The following RAP1GAP2 variants were observed in gnomAD, a reference collection of about 807,000 sequenced individuals.
RAP1GAP2 encodes the protein rap1 GTPase-activating protein 2.
Under a neutral mutation model 95.0 loss-of-function variants are expected in RAP1GAP2, and 27 were observed. The ratio of observed to expected loss-of-function variants is 0.28; its 90% CI spans 0.21 to 0.39. The LOEUF (loss-of-function observed/expected upper bound fraction) is 0.39. Among genes scored for constraint, RAP1GAP2 ranks in the 10% least tolerant of loss-of-function variants. The pLI is 1.00. For missense variants in RAP1GAP2, 771 were observed against 970.0 expected (o/e 0.79, Z 2.72); for synonymous variants, 373 against 380.9 (o/e 0.98, Z 0.24).
rs140279379 is a variant in RAP1GAP2, at chr17:2,830,438, G to C, written c.80+29888G>C. Among the ~76,000 whole-genome samples, 304 of 150,530 alleles carry C rather than the reference G, an allele frequency of 2.0e-3. 8 individuals carry two copies. The East Asian group carries it at 0.052, about 26-fold the overall frequency. On this transcript the variant is annotated intron_variant, in intron 2 of 24. Transcript: ENST00000254695. ...TCTCAAAAAATTAAAAAAGATGGCC[G>C]GGTGTGGTGGCTCACGCCTGTAATC...
chr17:2,915,685 T>G (rs994317440), intron 3 of RAP1GAP2, among the ~76,000 whole-genome samples: 4 of 152,148 alleles, frequency 2.6e-5, no homozygotes, highest in African/African-American at 9.7e-5. Flanking sequence ...CCATGTATTC[T>G]TTTAGAAGCT....
At chr17:2,945,871 C>T (rs1009655252) in intron 3 of RAP1GAP2, among the ~76,000 whole-genome samples, 2 of 151,910 alleles carry the variant, frequency 1.3e-5, no homozygotes. Flanking sequence ...CTCACTGCAA[C>T]CTCTTTCCCC....
At position 2,993,178 on chromosome 17, in the gene RAP1GAP2, C is replaced by T. The variant is rs1018292979; in HGVS notation, c.914+1781C>T. On this transcript the variant is annotated intron_variant, in intron 12 of 24. Coordinates refer to ENST00000254695, the MANE Select transcript of RAP1GAP2 (RefSeq NM_015085.5). ...CAGTGGTTGCAATGAGCTGAGATTG[C>T]GCCAGTGCACTTCAGCCTGGTCAAT... Among the ~76,000 whole-genome samples, 16 of 138,554 alleles carry T rather than the reference C, an allele frequency of 1.2e-4. 1 individual carries two copies. Among genetic ancestry groups the T allele is most frequent in the East Asian group, 9.0e-4 (4 of 4,460 alleles). The allele number at this position is 138,554 out of a possible 152,430, so 90.9% of individuals were successfully genotyped here.
intron 2 of RAP1GAP2, among the ~76,000 whole-genome samples, chr17:2,826,809 C>T (rs1181449003): frequency 6.6e-6 from 1 of 152,122 alleles, no homozygotes; most frequent in East Asian, 1.9e-4. Context: ...AGATCGAGAC[C>T]ATCCTGGCCA....
intron 3 of RAP1GAP2, among the ~76,000 whole-genome samples, chr17:2,930,481 G>A (rs1355050588): frequency 6.6e-6 from 1 of 152,222 alleles, no homozygotes; most frequent in African/African-American, 2.4e-5. Flanking sequence ...TCGGAATGGA[G>A]GCTTCTGTTA....
chr17:2,998,369 C>A lies in RAP1GAP2; in HGVS notation c.1193C>A (p.Ser398Tyr). Residue 398 changes from serine to tyrosine, a missense_variant, in exon 14 of 25, where the codon TCC becomes TAC. Transcript: ENST00000254695. ...QVETPGTETP[S>Y]YKVSVTARED... is the part of the protein sequence containing the mutation. Reference sequence around the variant, plus strand: ...GAGACCCCAGGCACAGAGACCCCATCCTACAAGGTAAGGAGAACGCCTTGT... The same window carrying A: ...GAGACCCCAGGCACAGAGACCCCATACTACAAGGTAAGGAGAACGCCTTGT... 6.2e-7 allele frequency: 1 copy of A among 1,613,956 alleles called. No individual in the cohort carries two copies. Among genetic ancestry groups the A allele is most frequent in the Non-Finnish European group, 8.5e-7 (1 of 1,179,868 alleles).
intron 17 of RAP1GAP2, among the ~76,000 whole-genome samples, chr17:3,011,613 T>TG (rs1290830113): frequency 6.7e-6 from 1 of 148,226 alleles, no homozygotes; most frequent in East Asian, 2.0e-4. Flanking sequence ...GTCAAAGTTT[T>TG]TTTTTTTTTT....
In RAP1GAP2 at chr17:3,027,836, A is replaced by G. The variant is rs188622582; in HGVS notation, c.2107+766A>G. Among the ~76,000 whole-genome samples, 734 of 151,844 alleles carry G rather than the reference A, an allele frequency of 4.8e-3. 8 individuals carry two copies. Among genetic ancestry groups the G allele is most frequent in the African/African-American group, 0.017 (687 of 41,360 alleles). On this transcript the variant is annotated intron_variant, in intron 22 of 24. Coordinates refer to ENST00000254695, the MANE Select transcript of RAP1GAP2 (RefSeq NM_015085.5). This position sits in a 1 kb window ranked among gnomAD's most constrained non-coding sequence, Gnocchi z 5.2. ...AGCTGCGGCAGAAGCACCTCGGTTCAGGAGAGATCAAGGAGGTAAAATGTA... is the reference window on the plus strand; with the variant it reads ...AGCTGCGGCAGAAGCACCTCGGTTCGGGAGAGATCAAGGAGGTAAAATGTA...
intron 2 of RAP1GAP2, among the ~76,000 whole-genome samples, chr17:2,843,370 C>T (rs993348740): frequency 4.6e-5 from 7 of 151,898 alleles, no homozygotes; most frequent in Non-Finnish European, 1.0e-4. Flanking sequence ...ACGGCAACCT[C>T]CACCTCCTGG....
rs1322738814 is a variant in RAP1GAP2, at chr17:2,875,307, TC to T, written c.81-29976del. ...GTCTCGAACTCCTGACCTCAGGTGG[TC>T]TGCCTGCCTCGGCCTCCCAAAGTGC... On this transcript the variant is annotated intron_variant, in intron 2 of 24. Transcript: ENST00000254695. 2.6e-5 allele frequency among the ~76,000 whole-genome samples: 4 copies of T among 152,302 alleles called. No homozygotes were observed. The East Asian group carries it at 7.7e-4, about 29-fold the overall frequency.
intron 2 of RAP1GAP2, among the ~76,000 whole-genome samples, chr17:2,898,042 T>A (rs1204284714): frequency 1.3e-5 from 2 of 150,832 alleles, no homozygotes; most frequent in African/African-American, 2.4e-5. Flanking sequence ...CACCTCAGCC[T>A]CCTGAATAGC....
intron 23 of RAP1GAP2, 24 bp from the exon 24 acceptor site, chr17:3,032,387 C>G: frequency 6.2e-7 from 1 of 1,613,892 alleles, no homozygotes; most frequent in South Asian, 1.1e-5. Flanking sequence ...ATTTAAACTC[C>G]TGTATGGATT....
At chr17:2,806,046 G>A (rs2069502108) in intron 2 of RAP1GAP2, among the ~76,000 whole-genome samples, 1 of 152,194 alleles carries the variant, frequency 6.6e-6, no homozygotes, top group Non-Finnish European at 1.5e-5. Context: ...GATGGGACCT[G>A]GGTGCAGCTG....
intron 3 of RAP1GAP2, among the ~76,000 whole-genome samples, chr17:2,922,503 C>T (rs75508303): frequency 1.1e-4 from 16 of 152,224 alleles, no homozygotes; most frequent in Admixed American, 3.3e-4. Context: ...TGGTGAGGTC[C>T]CCGAGGTCTG....
intron 5 of RAP1GAP2, 54 bp downstream of exon 5, chr17:2,962,768 G>C: frequency 6.7e-7 from 1 of 1,493,784 alleles, no homozygotes; most frequent in Non-Finnish European, 9.0e-7. Context: ...GGGCTAGGGC[G>C]AGAGGAAGGC....
chr17:2,895,977 C>T (rs1380731781), intron 2 of RAP1GAP2, among the ~76,000 whole-genome samples: 1 of 152,088 alleles, frequency 6.6e-6, no homozygotes, highest in Non-Finnish European at 1.5e-5. Context: ...GGTCACGTTC[C>T]TCTGCGTCCT....
chr17:2,797,166 G>T lies in RAP1GAP2; in HGVS notation c.44+595G>T, dbSNP rs1401365501. On this transcript the variant is annotated intron_variant, in intron 1 of 24. Transcript: ENST00000254695. The surrounding 1 kb of genome is among the most constrained non-coding windows in gnomAD (Gnocchi z 5.6). ...CTCTGGGCTGCCTGCTGTCTTGGGG[G>T]TGGGTTGTGAGAGAAGGTCTCCCAC... 2.0e-5 allele frequency among the ~76,000 whole-genome samples: 3 copies of T among 152,130 alleles called. No individual in the cohort carries two copies. Among genetic ancestry groups the T allele is most frequent in the Non-Finnish European group, 4.4e-5 (3 of 68,022 alleles).
chr17:2,813,858 G>A (rs2069881515), intron 2 of RAP1GAP2, among the ~76,000 whole-genome samples: 1 of 152,092 alleles, frequency 6.6e-6, no homozygotes, highest in Non-Finnish European at 1.5e-5. Context: ...AGCTACTCGG[G>A]AGGCTGAGGC....
At chr17:2,969,153 A>G (rs2151504674) in intron 8 of RAP1GAP2, among the ~76,000 whole-genome samples, 1 of 150,280 alleles carries the variant, frequency 6.7e-6, no homozygotes, top group African/African-American at 2.5e-5. Context: ...AATTATATAC[A>G]TATTTTTCTT....
Sources: gnomAD v4.1 joint callset for allele counts (sites outside exome capture counted in the v4.1 genomes callset) on GRCh38, gnomAD v4.1.1 for gene constraint, Gnocchi (gnomAD v3.1) non-coding constraint, MANE v1.5 for transcripts, NCBI Gene and HGNC (gene_info 2026-07-23, HGNC 2026-07-21) for gene names.